The following BACH2 variants were observed in gnomAD, a reference collection of about 807,000 sequenced individuals.
The protein encoded by BACH2 is BACH transcriptional regulator 2.
A neutral mutation model predicts 61.8 loss-of-function variants in BACH2; 5 were observed. The ratio of observed to expected loss-of-function variants is 0.08; its 90% CI spans 0.04 to 0.17. The LOEUF is 0.17. Ranked by LOEUF, BACH2 falls within the 10% of genes least tolerant of loss-of-function variation. BACH2 has a pLI of 1.00. For missense variants in BACH2, 824 were observed against 1,091.1 expected (o/e 0.76, Z 3.45); for synonymous variants, 446 against 440.1 (o/e 1.01, Z -0.17).
At chr6:90,274,263 T>C (rs558818471) in intron 1 of BACH2, among the ~76,000 whole-genome samples, 1 of 152,352 alleles carries the variant, frequency 6.6e-6, no homozygotes, top group East Asian at 1.9e-4. Context: ...ACTTAACCTT[T>C]ATCTAACTCT....
At chr6:89,946,937 C>G (rs201634890) in intron 7 of BACH2, among the ~76,000 whole-genome samples, 2 of 152,172 alleles carry the variant, frequency 1.3e-5, no homozygotes, top group Non-Finnish European at 2.9e-5. Flanking sequence ...GAGAAGCCAA[C>G]GACTGTGAGA....
At chr6:89,977,719 T>C (rs1582129638) in intron 6 of BACH2, among the ~76,000 whole-genome samples, 1 of 152,250 alleles carries the variant, frequency 6.6e-6, no homozygotes, top group Non-Finnish European at 1.5e-5. Context: ...GAGATTATAT[T>C]ACAATTTATG....
In BACH2 at chr6:90,011,864, T is replaced by TA. The variant is rs1554227921; in HGVS notation, c.-12-3009_-12-3008insT. ...TGAACCCAGAAGGCGGAGGTTGCAG[T>TA]GGCCGAGATCACACCACTGCACTCC... On this transcript the variant is annotated intron_variant, in intron 5 of 8. Coordinates refer to ENST00000257749, the MANE Select transcript of BACH2 (RefSeq NM_021813.4). Among the ~76,000 whole-genome samples the TA allele has an allele frequency of 7.8e-4, 118 of 150,956 alleles. 3 individuals are homozygous for TA. The South Asian group carries it at 0.018, about 23-fold the overall frequency.
chr6:89,957,136 A>G (rs1216009337), intron 6 of BACH2, among the ~76,000 whole-genome samples: 1 of 152,230 alleles, frequency 6.6e-6, no homozygotes. Flanking sequence ...TTTGCACAGC[A>G]AGGCACTTGT....
chr6:90,242,717 C>G (rs1358465979), intron 3 of BACH2, among the ~76,000 whole-genome samples: 1 of 151,926 alleles, frequency 6.6e-6, no homozygotes, highest in African/African-American at 2.4e-5. Context: ...ATCCATCTAC[C>G]AAAGTGTAAC....
intron 4 of BACH2, among the ~76,000 whole-genome samples, chr6:90,189,296 G>A (rs915831658): frequency 3.3e-5 from 5 of 152,138 alleles, no homozygotes; most frequent in Admixed American, 6.5e-5. Flanking sequence ...TATAGTGAAT[G>A]TGCAAGTTAA....
intron 5 of BACH2, among the ~76,000 whole-genome samples, chr6:90,043,591 G>A (rs1274700593): frequency 6.7e-6 from 1 of 148,164 alleles, no homozygotes; most frequent in Non-Finnish European, 1.5e-5. Flanking sequence ...TACAGCAACA[G>A]AAAACAAACT....
At chr6:90,047,304 C>T (rs1205260195) in intron 5 of BACH2, among the ~76,000 whole-genome samples, 2 of 152,134 alleles carry the variant, frequency 1.3e-5, no homozygotes, top group African/African-American at 4.8e-5. Flanking sequence ...TGGCAGGGGC[C>T]TATAATGTAA....
intron 1 of BACH2, among the ~76,000 whole-genome samples, chr6:90,285,079 T>C (rs992663589): frequency 1.3e-5 from 2 of 152,246 alleles, no homozygotes; most frequent in African/African-American, 4.8e-5. Flanking sequence ...GATCAACTTG[T>C]ATCTACAAAA....
rs557285186 is a variant in BACH2 at position 90,079,915 on chromosome 6, A to AT, written c.-13+9045dup. On this transcript the variant is annotated intron_variant, in intron 5 of 8. Transcript: ENST00000257749. ...TTTTCCAGTTAGTGTTTGTACTTTCATTTTTTTTTTTTTTCTGTCTCAGGA... is the reference window on the plus strand; with the variant it reads ...TTTTCCAGTTAGTGTTTGTACTTTCATTTTTTTTTTTTTTTCTGTCTCAGGA... Among the ~76,000 whole-genome samples, 420 of 141,122 alleles carry AT rather than the reference A, an allele frequency of 3.0e-3. 1 individual carries two copies. Among genetic ancestry groups the AT allele is most frequent in the East Asian group, 4.7e-3 (23 of 4,894 alleles). 92.6% of individuals were successfully genotyped at this position (141,122 alleles called of 152,430 possible). A position where few individuals can be genotyped will look rare whatever the true frequency, so the allele number is the denominator to read the frequency against.
chr6:90,236,761 C>T (rs1770271706), intron 3 of BACH2, among the ~76,000 whole-genome samples: 1 of 152,126 alleles, frequency 6.6e-6, no homozygotes, highest in Non-Finnish European at 1.5e-5. Flanking sequence ...ATGAAGCTAT[C>T]TTACTTTAGC....
intron 4 of BACH2, among the ~76,000 whole-genome samples, chr6:90,099,056 T>C (rs1342737624): frequency 6.6e-6 from 1 of 150,656 alleles, no homozygotes; most frequent in Non-Finnish European, 1.5e-5. Flanking sequence ...TTAAACCTGT[T>C]TTTTTTTTCT....
chr6:89,950,256 T>C lies in BACH2; in HGVS notation c.1836+14A>G, dbSNP rs1318510268. 1 of 1,614,102 alleles carries C rather than the reference T, an allele frequency of 6.2e-7. No homozygotes were observed. Among genetic ancestry groups the C allele is most frequent in the Admixed American group, 1.7e-5 (1 of 60,018 alleles). ...AGAGTGGGTCACATGCTTGAATTTA[T>C]GTGGGTTCCCTACCTCCTGGCCCCT... On this transcript the variant is annotated intron_variant, in intron 7 of 8. Coordinates refer to ENST00000257749, the MANE Select transcript of BACH2 (RefSeq NM_021813.4). The surrounding 1 kb of genome is among the most constrained non-coding windows in gnomAD (Gnocchi z 5.3).
intron 5 of BACH2, among the ~76,000 whole-genome samples, chr6:90,082,753 T>C (rs1781777940): frequency 6.6e-6 from 1 of 152,180 alleles, no homozygotes; most frequent in African/African-American, 2.4e-5. Flanking sequence ...GCTACTTCTG[T>C]TCAGATAAAA....
chr6:90,209,954 A>G (rs1038275312), intron 3 of BACH2, among the ~76,000 whole-genome samples: 1 of 152,150 alleles, frequency 6.6e-6, no homozygotes, highest in Admixed American at 6.5e-5. Context: ...GTGGGGTCTT[A>G]AAAACAATGT....
intron 4 of BACH2, among the ~76,000 whole-genome samples, chr6:90,136,928 CAG>C (rs1461517868): frequency 6.6e-6 from 1 of 151,440 alleles, no homozygotes; most frequent in Non-Finnish European, 1.5e-5. Context: ...AAGAAGCTAA[CAG>C]ATGTGCAAAA....
chr6:89,997,371 C>T (rs1458201531), intron 6 of BACH2, among the ~76,000 whole-genome samples: 1 of 152,228 alleles, frequency 6.6e-6, no homozygotes, highest in Non-Finnish European at 1.5e-5. Context: ...CAGTTATCTT[C>T]CCTGATTTCC....
chr6:90,057,280 A>G (rs1316258595), intron 5 of BACH2, among the ~76,000 whole-genome samples: 2 of 152,234 alleles, frequency 1.3e-5, no homozygotes, highest in South Asian at 2.1e-4. Context: ...ATAAAAAATC[A>G]TAAAGGGGAT....
At chr6:90,279,203 A>G (rs1229111711) in intron 1 of BACH2, among the ~76,000 whole-genome samples, 2 of 152,096 alleles carry the variant, frequency 1.3e-5, no homozygotes, top group African/African-American at 2.4e-5. Context: ...AATATGCAGT[A>G]ATCTTCCTAA....
Sources: gnomAD v4.1 joint callset for allele counts (sites outside exome capture counted in the v4.1 genomes callset) on GRCh38, gnomAD v4.1.1 for gene constraint, Gnocchi (gnomAD v3.1) non-coding constraint, MANE v1.5 for transcripts, NCBI Gene and HGNC (gene_info 2026-07-23, HGNC 2026-07-21) for gene names.